Variants in ANKRD44 observed in about 807,000 individuals in gnomAD.
The protein encoded by ANKRD44 is ankyrin repeat domain 44.
A neutral mutation model predicts 116.0 loss-of-function variants in ANKRD44; 35 were observed. The ratio of observed to expected loss-of-function variants is 0.30; its 90% confidence interval spans 0.23 to 0.40. The LOEUF is 0.40. Ranked by LOEUF, ANKRD44 falls within the 10% of genes least tolerant of loss-of-function variation. The pLI, the probability that ANKRD44 is intolerant of heterozygous loss-of-function variation, is 1.00. For missense variants in ANKRD44, 1,014 were observed against 1,242.6 expected (o/e 0.82, Z 2.77); for synonymous variants, 435 against 461.8 (o/e 0.94, Z 0.74).
At chr2:197,266,457 T>C (rs1329277169) in intron 1 of ANKRD44, among the ~76,000 whole-genome samples, 1 of 152,104 alleles carries the variant, frequency 6.6e-6, no homozygotes, top group African/African-American at 2.4e-5. Flanking sequence ...AAACCACAGA[T>C]GAGGAATTCA....
At chr2:197,011,598 G>C (rs1054916217) in intron 18 of ANKRD44, among the ~76,000 whole-genome samples, 3 of 151,620 alleles carry the variant, frequency 2.0e-5, no homozygotes, top group African/African-American at 4.8e-5. Flanking sequence ...TCAGCCTCCC[G>C]AGTAGCTGGG....
chr2:197,032,677 G>T (rs1289776768), intron 16 of ANKRD44, among the ~76,000 whole-genome samples: 1 of 152,114 alleles, frequency 6.6e-6, no homozygotes, highest in Admixed American at 6.6e-5. Context: ...CGTGAGCCAT[G>T]GCACCCAGCT....
intron 1 of ANKRD44, among the ~76,000 whole-genome samples, chr2:197,276,723 A>T (rs934604339): frequency 6.6e-6 from 1 of 152,038 alleles, no homozygotes; most frequent in South Asian, 2.1e-4. Flanking sequence ...GTGAGTTTCC[A>T]TTTCAGGAAG....
At chr2:196,978,078 G>T (rs990347327) in intron 21 of ANKRD44, among the ~76,000 whole-genome samples, 3 of 152,194 alleles carry the variant, frequency 2.0e-5, no homozygotes, top group East Asian at 1.9e-4. Flanking sequence ...TTGGATGTTT[G>T]TTCCCTCCAA....
chr2:197,216,632 T>C (rs1044473807), intron 1 of ANKRD44, among the ~76,000 whole-genome samples: 8 of 152,162 alleles, frequency 5.3e-5, no homozygotes, highest in African/African-American at 1.9e-4. Flanking sequence ...GTTTCTAAGA[T>C]ACTGAGTTCA....
chr2:197,129,667 T>C (rs1176036987), intron 4 of ANKRD44, among the ~76,000 whole-genome samples: 1 of 152,232 alleles, frequency 6.6e-6, no homozygotes, highest in African/African-American at 2.4e-5. Context: ...TTCTACTTTT[T>C]ACAACTCTTT....
chr2:196,998,614 T>C (rs1187710076), intron 24 of ANKRD44, among the ~76,000 whole-genome samples, 195 bp from the exon 25 acceptor site: 2 of 152,248 alleles, frequency 1.3e-5, no homozygotes, highest in African/African-American at 4.8e-5. Context: ...AGGCACTAAT[T>C]TTAACTGCTT....
At chr2:197,116,512 CA>C (rs1391981100) in intron 8 of ANKRD44, among the ~76,000 whole-genome samples, 2 of 152,204 alleles carry the variant, frequency 1.3e-5, no homozygotes, top group Non-Finnish European at 2.9e-5. Flanking sequence ...CCTCAGACGA[CA>C]GTTCCTTGGT....
At chr2:197,073,582 C>T (rs530553254) in intron 16 of ANKRD44, among the ~76,000 whole-genome samples, 29 of 152,290 alleles carry the variant, frequency 1.9e-4, no homozygotes, top group Non-Finnish European at 3.2e-4. Context: ...TTATCATATA[C>T]CAGTCTGGCA....
At chr2:197,005,298 C>G (rs2076182580) in intron 21 of ANKRD44, among the ~76,000 whole-genome samples, 1 of 152,058 alleles carries the variant, frequency 6.6e-6, no homozygotes, top group African/African-American at 2.4e-5. Context: ...AACCATGCAT[C>G]TACTAGTAAT....
intron 2 of ANKRD44, among the ~76,000 whole-genome samples, chr2:197,154,174 C>CTTTTTTT (rs1034922629): frequency 1.4e-4 from 15 of 106,840 alleles, no homozygotes; most frequent in East Asian, 2.7e-4. Context: ...TATCGGCTTT[C>CTTTTTTT]TTTTTTTTTT....
intron 1 of ANKRD44, among the ~76,000 whole-genome samples, chr2:197,282,095 T>C (rs910992443): frequency 2.0e-5 from 3 of 152,056 alleles, no homozygotes; most frequent in South Asian, 2.1e-4. Context: ...CTACTAAAAA[T>C]ACAGAAAATT....
rs117949651 is a variant in ANKRD44 at position 197,127,974 on chromosome 2, C to T, written c.262-1937G>A. Among the ~76,000 whole-genome samples, 447 of 152,276 alleles carry T rather than the reference C, an allele frequency of 2.9e-3. 2 individuals are homozygous for T. Among genetic ancestry groups the T allele is most frequent in the East Asian group, 0.018 (92 of 5,182 alleles). On this transcript the variant is annotated intron_variant, in intron 4 of 27. Coordinates refer to ENST00000282272, the MANE Select transcript of ANKRD44 (RefSeq NM_001195144.2). ...AAGGACAACAGCTTCCAGCTCCATT[C>T]GTGTTCCTGGAAAGGACATGATATT...
At chr2:197,122,607 A>G (rs750699023) in intron 7 of ANKRD44, 43 bp downstream of exon 7, 47 of 1,584,930 alleles carry the variant, frequency 3.0e-5, no homozygotes, top group Non-Finnish European at 3.8e-5. Context: ...CAGAAATCTT[A>G]CAAATACACT....
At chr2:197,288,978 G>A (rs956204144) in intron 1 of ANKRD44, among the ~76,000 whole-genome samples, 4 of 152,168 alleles carry the variant, frequency 2.6e-5, no homozygotes, top group Non-Finnish European at 5.9e-5. Flanking sequence ...GAAATAAATT[G>A]TAAGTCTGGT....
At chr2:196,975,881 A>G (rs1250836194) in intron 21 of ANKRD44, among the ~76,000 whole-genome samples, 1 of 151,692 alleles carries the variant, frequency 6.6e-6, no homozygotes, top group Non-Finnish European at 1.5e-5. Flanking sequence ...AGAAAGACAC[A>G]TCAAGAAAAG....
At chr2:197,222,007 C>T (rs2081595762) in intron 1 of ANKRD44, among the ~76,000 whole-genome samples, 1 of 152,186 alleles carries the variant, frequency 6.6e-6, no homozygotes, top group Non-Finnish European at 1.5e-5. Flanking sequence ...TCTCATCCTA[C>T]ACCAAAATCC....
chr2:197,119,125 T>G (rs1425652608), intron 8 of ANKRD44, among the ~76,000 whole-genome samples: 1 of 152,146 alleles, frequency 6.6e-6, no homozygotes, highest in Admixed American at 6.5e-5. Context: ...CTTATTTTAA[T>G]TTCATGTTAG....
intron 4 of ANKRD44, among the ~76,000 whole-genome samples, chr2:197,133,036 T>C (rs2079128541): frequency 6.6e-6 from 1 of 152,226 alleles, no homozygotes; most frequent in Non-Finnish European, 1.5e-5. Flanking sequence ...CTGATGAGTT[T>C]TGGAAGGCAT....
Sources: allele counts gnomAD v4.1 joint callset (sites outside exome capture counted in the v4.1 genomes callset), GRCh38; gene constraint gnomAD v4.1.1; transcripts MANE v1.5; gene names NCBI Gene and HGNC (gene_info 2026-07-23, HGNC 2026-07-21).